Variants in RAPGEF1 observed in about 807,000 individuals in gnomAD.
The protein encoded by RAPGEF1 is CRK SH3-binding GNRP.
Under a neutral mutation model 143.3 loss-of-function variants are expected in RAPGEF1, and 33 were observed. The observed-to-expected ratio is 0.23, with a 90% CI of 0.17 to 0.31. The LOEUF is 0.31. Among genes scored for constraint, RAPGEF1 ranks in the 10% least tolerant of loss-of-function variants. RAPGEF1 has a pLI of 1.00. For synonymous variants in RAPGEF1, 629 were observed against 676.5 expected (o/e 0.93, Z 1.09); for missense variants, 1,199 against 1,645.4 (o/e 0.73, Z 4.69).
intron 1 of RAPGEF1, among the ~76,000 whole-genome samples, chr9:131,733,364 GC>G (rs1002032274): frequency 7.2e-5 from 5 of 69,918 alleles, no homozygotes; most frequent in East Asian, 8.6e-4. Flanking sequence ...CGGGGCGGGG[GC>G]GGGGGGGGGG....
chr9:131,688,110 G>A (rs114921942), intron 1 of RAPGEF1, among the ~76,000 whole-genome samples: 2,029 of 152,334 alleles, frequency 0.013, 50 homozygotes, highest in African/African-American at 0.047. Flanking sequence ...GTTAGTTCGT[G>A]CACAGTTACC....
At chr9:131,707,516 C>T (rs767219170) in intron 1 of RAPGEF1, among the ~76,000 whole-genome samples, 3 of 152,162 alleles carry the variant, frequency 2.0e-5, no homozygotes, top group African/African-American at 4.8e-5. Flanking sequence ...CCTCAGCTCA[C>T]TACAACCTCC....
Position 131,628,560 on chromosome 9 carries a change from T to C in RAPGEF1, c.1006A>G (p.Ile336Val), listed in dbSNP as rs780578485. 1 of 1,612,756 alleles carries C rather than the reference T, an allele frequency of 6.2e-7. No homozygotes were observed. Residue 336 changes from isoleucine (I) to valine (V), a missense_variant, in exon 8 of 27, where the codon ATC becomes GTC. Around this residue, in one of 6 missense-constraint regions of RAPGEF1, gnomAD observed 613 missense variants for 710.9 expected, o/e 0.86. Transcript: ENST00000683357. The surrounding 1 kb of genome is among the most constrained non-coding windows in gnomAD (Gnocchi z 5.7). ...AGGGGCTGCATTACCTGCCTATTGATTCCAACAGGCAAACTGGAGCCACTG... is the reference window on the plus strand; with the variant it reads ...AGGGGCTGCATTACCTGCCTATTGACTCCAACAGGCAAACTGGAGCCACTG... ...ATSGSSLPVG[I>V]NRQDFDVDCY...
At chr9:131,646,303 G>C (rs1969600234) in intron 3 of RAPGEF1, among the ~76,000 whole-genome samples, 1 of 152,198 alleles carries the variant, frequency 6.6e-6, no homozygotes, top group Non-Finnish European at 1.5e-5. Flanking sequence ...GTCTGTCTGA[G>C]TTCAGAGCCT....
intron 1 of RAPGEF1, among the ~76,000 whole-genome samples, chr9:131,691,102 AAG>A (rs1329163272): frequency 2.0e-5 from 3 of 152,242 alleles, no homozygotes; most frequent in Non-Finnish European, 4.4e-5. Flanking sequence ...TCAATATTAA[AAG>A]AGCTAAATTT....
chr9:131,670,061 T>A (rs12551187), intron 1 of RAPGEF1, among the ~76,000 whole-genome samples: 1 of 152,012 alleles, frequency 6.6e-6, no homozygotes, highest in African/African-American at 2.4e-5. Flanking sequence ...GACCCTCCAA[T>A]ACAGGTACCA....
chr9:131,731,652 G>T (rs1264207946), intron 1 of RAPGEF1, among the ~76,000 whole-genome samples: 1 of 152,192 alleles, frequency 6.6e-6, no homozygotes, highest in Non-Finnish European at 1.5e-5. Context: ...AATTTTAAAA[G>T]CTATAGAGCA....
At chr9:131,698,794 G>A (rs1201975794) in intron 1 of RAPGEF1, among the ~76,000 whole-genome samples, 7 of 152,216 alleles carry the variant, frequency 4.6e-5, no homozygotes, top group Non-Finnish European at 8.8e-5. Context: ...CCAGGGATAA[G>A]CCCTCCCAGC....
chr9:131,584,264 GCC>G lies in RAPGEF1; in HGVS notation c.3414+45_3414+46del, dbSNP rs1445196418. ...CAGCTAGTCGCCTGAGGGCTGGGCG[GCC>G]CCCCTTACCAGCCACCCTCCCGCCC... On this transcript the variant is annotated intron_variant, in intron 24 of 26. Coordinates refer to ENST00000683357, the MANE Select transcript of RAPGEF1 (RefSeq NM_001377935.1). This position sits in a 1 kb window ranked among gnomAD's most constrained non-coding sequence, Gnocchi z 6.8. 1 of 1,515,676 alleles carries G rather than the reference GCC, an allele frequency of 6.6e-7. No individual in the cohort carries two copies. Among genetic ancestry groups the G allele is most frequent in the Non-Finnish European group, 9.0e-7 (1 of 1,109,660 alleles). The allele number at this position is 1,515,676 out of a possible 1,614,324, so 93.9% of individuals were successfully genotyped here.
intron 5 of RAPGEF1, among the ~76,000 whole-genome samples, chr9:131,632,197 C>G (rs1172601461): frequency 6.6e-6 from 1 of 151,736 alleles, no homozygotes; most frequent in Admixed American, 6.6e-5. Flanking sequence ...GGTGCGATCT[C>G]AGCTCACTGC....
At chr9:131,634,713 CAAAAAAAAAA>C (rs35405559) in intron 5 of RAPGEF1, among the ~76,000 whole-genome samples, 7 of 61,222 alleles carry the variant, frequency 1.1e-4, no homozygotes, top group South Asian at 1.9e-3. Context: ...GACTCCGTCT[CAAAAAAAAAA>C]AAAAAAAAAA....
At chr9:131,633,789 T>G (rs1345775881) in intron 5 of RAPGEF1, among the ~76,000 whole-genome samples, 1 of 152,348 alleles carries the variant, frequency 6.6e-6, no homozygotes, top group East Asian at 1.9e-4. Context: ...TTGACTTGCC[T>G]TAACTATCAC....
At chr9:131,711,361 CT>C (rs71374121) in intron 1 of RAPGEF1, among the ~76,000 whole-genome samples, 161 of 130,198 alleles carry the variant, frequency 1.2e-3, no homozygotes, top group East Asian at 1.4e-3. Context: ...CTATTATCAC[CT>C]TTTTTTTTTT....
At chr9:131,706,407 C>A (rs539964902) in intron 1 of RAPGEF1, among the ~76,000 whole-genome samples, 1 of 152,012 alleles carries the variant, frequency 6.6e-6, no homozygotes, top group Non-Finnish European at 1.5e-5. Context: ...GGACTACTTG[C>A]GCGCGCCACC....
intron 17 of RAPGEF1, 59 bp downstream of exon 17, chr9:131,596,239 G>A: frequency 2.6e-6 from 4 of 1,526,242 alleles, no homozygotes; most frequent in South Asian, 2.3e-5. Context: ...AGCGGTGGGA[G>A]GCCGAGTGGC....
intron 1 of RAPGEF1, among the ~76,000 whole-genome samples, chr9:131,664,552 T>C (rs1326903390): frequency 1.4e-5 from 2 of 143,224 alleles, no homozygotes; most frequent in Non-Finnish European, 1.6e-5. Context: ...GCAGCTCCCT[T>C]CCACAACAGT....
At chr9:131,668,419 T>C (rs1035042446) in intron 1 of RAPGEF1, among the ~76,000 whole-genome samples, 2 of 152,208 alleles carry the variant, frequency 1.3e-5, no homozygotes, top group Admixed American at 6.5e-5. Flanking sequence ...GCTTCTAATA[T>C]GTGGGGAGCT....
Position 131,583,315 on chromosome 9 carries a change from G to C in RAPGEF1, c.3415-613C>G, listed in dbSNP as rs577792621. Among the ~76,000 whole-genome samples the C allele has an allele frequency of 2.9e-4, 44 of 152,284 alleles. No individual in the cohort carries two copies. Among genetic ancestry groups the C allele is most frequent in the Non-Finnish European group, 5.6e-4 (38 of 68,018 alleles). ...GCCTCCTGAGGACCCCCCATGCAGAGGCCGTGTGAATTTCCCACCTCTCCC... is the reference window on the plus strand; with the variant it reads ...GCCTCCTGAGGACCCCCCATGCAGACGCCGTGTGAATTTCCCACCTCTCCC... On this transcript the variant is annotated intron_variant, in intron 24 of 26. Transcript: ENST00000683357. This position sits in a 1 kb window ranked among gnomAD's most constrained non-coding sequence, Gnocchi z 4.7.
intron 1 of RAPGEF1, among the ~76,000 whole-genome samples, chr9:131,701,999 G>T (rs912928676): frequency 1.3e-5 from 2 of 151,944 alleles, no homozygotes; most frequent in Non-Finnish European, 1.5e-5. Flanking sequence ...GGCCTTGTCC[G>T]TTCTATTCAC....
Sources: allele counts gnomAD v4.1 joint callset (sites outside exome capture counted in the v4.1 genomes callset), GRCh38; gene constraint gnomAD v4.1.1; regional missense constraint gnomAD v4.1.1; non-coding constraint Gnocchi (gnomAD v3.1); transcripts MANE v1.5; gene names NCBI Gene and HGNC (gene_info 2026-07-23, HGNC 2026-07-21).